STX8: variants seen among roughly 807,000 people sequenced by gnomAD.
The protein encoded by STX8 is syntaxin-8.
In STX8, 23 loss-of-function variants were observed where a neutral mutation model predicts 37.5. That is an observed-to-expected ratio of 0.61 (90% CI 0.44 to 0.87). STX8 has a LOEUF of 0.87. STX8 is among the 40% of genes least tolerant of loss of function. The pLI is 0.00. For missense variants in STX8, 313 were observed against 284.7 expected (o/e 1.10, Z -0.71); for synonymous variants, 115 against 99.1 (o/e 1.16, Z -0.95).
At chr17:9,452,383 C>A (rs978653247) in intron 6 of STX8, 2 of 151,028 alleles carry the variant, frequency 1.3e-5, no homozygotes, top group African/African-American at 2.4e-5. Context: ...AAAAAAAAAT[C>A]TTTGCTCAAC....
At chr17:9,299,886 G>C (rs980507463) in intron 7 of STX8, among the ~76,000 whole-genome samples, 14 of 152,156 alleles carry the variant, frequency 9.2e-5, no homozygotes, top group African/African-American at 3.1e-4. Context: ...GTTTGGGTTT[G>C]CCTCAATCAA....
chr17:9,440,117 G>A (rs572073487), intron 6 of STX8, among the ~76,000 whole-genome samples: 1 of 152,252 alleles, frequency 6.6e-6, no homozygotes, highest in South Asian at 2.1e-4. Flanking sequence ...AGGGCAAAAG[G>A]AAGGAAGTCA....
At chr17:9,315,523 C>T (rs966852659) in intron 7 of STX8, among the ~76,000 whole-genome samples, 2 of 152,192 alleles carry the variant, frequency 1.3e-5, no homozygotes, top group African/African-American at 2.4e-5. Context: ...ATGTGGGATG[C>T]GTGTCACATG....
chr17:9,558,147 T>TA (rs1460110613), intron 2 of STX8, among the ~76,000 whole-genome samples: 1 of 152,184 alleles, frequency 6.6e-6, no homozygotes, highest in East Asian at 1.9e-4. Flanking sequence ...TCTAACCTGT[T>TA]ACATTAAAGG....
At chr17:9,393,947 GAAC>G (rs1435184015) in intron 6 of STX8, among the ~76,000 whole-genome samples, 2 of 152,002 alleles carry the variant, frequency 1.3e-5, no homozygotes, top group Non-Finnish European at 2.9e-5. Context: ...AAAATTCACA[GAAC>G]AACAAACACA....
intron 7 of STX8, among the ~76,000 whole-genome samples, chr17:9,358,704 G>A (rs1420036185): frequency 6.6e-6 from 1 of 152,178 alleles, no homozygotes; most frequent in Non-Finnish European, 1.5e-5. Context: ...CTGAAGGGTG[G>A]GATGCAGCTT....
chr17:9,558,822 C>CA (rs35485022), intron 2 of STX8, among the ~76,000 whole-genome samples: 8,824 of 104,240 alleles, frequency 0.085, 377 homozygotes, highest in African/African-American at 0.16. Flanking sequence ...GACTCCGTCT[C>CA]AAAAAAAAAA....
chr17:9,551,216 T>G (rs1344146365), intron 3 of STX8, among the ~76,000 whole-genome samples: 2 of 152,208 alleles, frequency 1.3e-5, no homozygotes, highest in Non-Finnish European at 2.9e-5. Context: ...GTCAAAAGAC[T>G]TTTCTGGCTT....
intron 2 of STX8, among the ~76,000 whole-genome samples, chr17:9,558,885 C>T (rs1458821580): frequency 6.6e-6 from 1 of 151,604 alleles, no homozygotes; most frequent in Admixed American, 6.6e-5. Context: ...CACACCAGGC[C>T]TACGAAGAGG....
rs369326293 is a variant in STX8 at position 9,565,133 on chromosome 17, G to A, written c.117+3238C>T. Among the ~76,000 whole-genome samples the A allele has an allele frequency of 3.0e-3, 456 of 152,290 alleles. 3 individuals are homozygous for A. Among genetic ancestry groups the A allele is most frequent in the African/African-American group, 9.8e-3 (408 of 41,558 alleles). On this transcript the variant is annotated intron_variant, in intron 2 of 7. Coordinates refer to ENST00000306357, the MANE Select transcript of STX8 (RefSeq NM_004853.3). ...TGAGGCACGGGAATCACTTGAACCC[G>A]AGAGGCAGAGGTTGCAGTGAGCCAG...
intron 2 of STX8, among the ~76,000 whole-genome samples, chr17:9,565,682 C>A (rs1907431892): frequency 1.3e-5 from 2 of 149,030 alleles, no homozygotes; most frequent in South Asian, 2.1e-4. Flanking sequence ...CGAGCTTTGA[C>A]AAAGCTGACA....
At chr17:9,391,047 A>G (rs1316508657) in intron 6 of STX8, among the ~76,000 whole-genome samples, 1 of 152,200 alleles carries the variant, frequency 6.6e-6, no homozygotes, top group Non-Finnish European at 1.5e-5. Flanking sequence ...GGATATGCTA[A>G]TGACACTGCA....
At chr17:9,412,112 A>C (rs1166894143) in intron 6 of STX8, among the ~76,000 whole-genome samples, 1 of 152,190 alleles carries the variant, frequency 6.6e-6, no homozygotes, top group Non-Finnish European at 1.5e-5. Context: ...GAGGATTAAA[A>C]AATACACAAA....
At chr17:9,377,614 C>G (rs1441993681) in intron 7 of STX8, among the ~76,000 whole-genome samples, 1 of 152,182 alleles carries the variant, frequency 6.6e-6, no homozygotes, top group African/African-American at 2.4e-5. Flanking sequence ...GTGTGTACCA[C>G]AATGGCTGGC....
At chr17:9,465,926 ATC>A (rs917556222) in intron 6 of STX8, among the ~76,000 whole-genome samples, 14 of 152,070 alleles carry the variant, frequency 9.2e-5, no homozygotes, top group African/African-American at 2.9e-4. Flanking sequence ...GGAAGTGGGT[ATC>A]TCTGATTCCA....
At chr17:9,412,602 T>G (rs1238727462) in intron 6 of STX8, among the ~76,000 whole-genome samples, 1 of 152,112 alleles carries the variant, frequency 6.6e-6, no homozygotes, top group Admixed American at 6.5e-5. Context: ...TTTTGAAAAT[T>G]ATTTTAAATA....
At chr17:9,428,416 A>C (rs1597665026) in intron 6 of STX8, among the ~76,000 whole-genome samples, 1 of 151,966 alleles carries the variant, frequency 6.6e-6, no homozygotes, top group Non-Finnish European at 1.5e-5. Flanking sequence ...AATTTTTTGT[A>C]TTTTTAGTAG....
chr17:9,269,082 G>T (rs1177256445), intron 7 of STX8, among the ~76,000 whole-genome samples: 1 of 152,010 alleles, frequency 6.6e-6, no homozygotes, highest in African/African-American at 2.4e-5. Flanking sequence ...AGCTACTCGG[G>T]AGGCTGAGGC....
chr17:9,321,874 T>C (rs962168610), intron 7 of STX8, among the ~76,000 whole-genome samples: 4 of 151,998 alleles, frequency 2.6e-5, no homozygotes, highest in African/African-American at 9.7e-5. Flanking sequence ...AAAGGAAAAA[T>C]GGTTCAAACT....
Sources: gnomAD v4.1 joint callset for allele counts (sites outside exome capture counted in the v4.1 genomes callset) on GRCh38, gnomAD v4.1.1 for gene constraint, MANE v1.5 for transcripts, NCBI Gene and HGNC (gene_info 2026-07-23, HGNC 2026-07-21) for gene names.